The following TEX29 variants were observed in gnomAD, a reference collection of about 807,000 sequenced individuals.
TEX29 encodes testis expressed 29.
A neutral mutation model predicts 18.2 loss-of-function variants in TEX29; 26 were observed. That is an observed-to-expected ratio of 1.43 (90% CI 1.04 to 1.98). The LOEUF (loss-of-function observed/expected upper bound fraction) is 1.98. Ranked by LOEUF, TEX29 falls within the 30% of genes most tolerant of loss-of-function variation. The probability of loss-of-function intolerance (pLI) is 0.00; values close to 1 mark genes in which losing one functional copy is unlikely to be tolerated. For missense variants in TEX29, 177 were observed against 194.2 expected (o/e 0.91, Z 0.53); for synonymous variants, 83 against 78.5 (o/e 1.06, Z -0.31).
chr13:111,332,513 C>A (rs1243447748), intron 3 of TEX29, among the ~76,000 whole-genome samples: 4 of 151,766 alleles, frequency 2.6e-5, no homozygotes, highest in Admixed American at 2.6e-4. Flanking sequence ...AATCTGAATG[C>A]CTTTTAGTTC....
At chr13:111,336,530 G>GA (rs2093689873) in intron 3 of TEX29, among the ~76,000 whole-genome samples, 2 of 150,640 alleles carry the variant, frequency 1.3e-5, no homozygotes, top group Admixed American at 6.6e-5. Context: ...CTTTCAGAAA[G>GA]AATTGGGAAT....
chr13:111,344,214 C>A lies in TEX29; in HGVS notation c.*91C>A. On this transcript the variant is annotated 3_prime_UTR_variant, in exon 6 of 6. Coordinates refer to ENST00000283547, the MANE Select transcript of TEX29 (RefSeq NM_152324.3). ...GTTAACAGTGTGATGGAATGACCAC[C>A]CAAAGAGAAAAAAATAAAGGTATTT... The A allele has an allele frequency of 1.9e-6, 2 of 1,051,628 alleles. No homozygotes were observed. The highest frequency in any genetic ancestry group is 1.4e-6 in the Non-Finnish European group (1 of 700,426). 65.1% of individuals were successfully genotyped at this position (1,051,628 alleles called of 1,614,324 possible). A position where few individuals can be genotyped will look rare whatever the true frequency, so the allele number is the denominator to read the frequency against.
upstream of TEX29, among the ~76,000 whole-genome samples, chr13:111,320,194 C>T (rs1040612500): frequency 6.6e-6 from 1 of 152,218 alleles, no homozygotes; most frequent in Non-Finnish European, 1.5e-5. Flanking sequence ...GCCTGGCCCA[C>T]GCCCTGAGTT....
At chr13:111,343,330 G>GCC (rs879394550) in intron 5 of TEX29, among the ~76,000 whole-genome samples, 5,208 of 152,196 alleles carry the variant, frequency 0.034, 123 homozygotes, top group Middle Eastern at 0.061. Flanking sequence ...TGGCACCCTG[G>GCC]CCACGTGGTG....
rs948095276 is a variant in TEX29, at chr13:111,342,484, C to T, written c.240-272C>T. Among the ~76,000 whole-genome samples, 9 of 133,586 alleles carry T rather than the reference C, an allele frequency of 6.7e-5. No individual in the cohort carries two copies. In the South Asian group the frequency reaches 7.3e-4, roughly 11 times the overall value. 87.6% of individuals were successfully genotyped at this position (133,586 alleles called of 152,430 possible). The stretch of plus-strand genomic sequence containing the variant: ...CTGAGGTGGGAGGATTACTTGAGCC[C>T]GGGAGTTGGAGGCTGCAGTGAGCCG... On this transcript the variant is annotated intron_variant, in intron 4 of 5. Coordinates refer to ENST00000283547, the MANE Select transcript of TEX29 (RefSeq NM_152324.3).
chr13:111,319,200 C>T (rs149174528), upstream of TEX29, among the ~76,000 whole-genome samples: 1 of 152,214 alleles, frequency 6.6e-6, no homozygotes, highest in African/African-American at 2.4e-5. Flanking sequence ...AGCGTGTGAC[C>T]CGGCAATTCC....
At chr13:111,322,985 C>A (rs1310388822) in intron 2 of TEX29, among the ~76,000 whole-genome samples, 1 of 152,206 alleles carries the variant, frequency 6.6e-6, no homozygotes, top group Non-Finnish European at 1.5e-5. Flanking sequence ...TGGGTCTGAA[C>A]CCAAGAAGCA....
At chr13:111,332,555 C>T (rs1464727496) in intron 3 of TEX29, among the ~76,000 whole-genome samples, 1 of 152,026 alleles carries the variant, frequency 6.6e-6, no homozygotes, top group Non-Finnish European at 1.5e-5. Context: ...CTAAAACCTC[C>T]AGTACAATGA....
At chr13:111,326,782 C>T (rs1210853045) in intron 2 of TEX29, among the ~76,000 whole-genome samples, 1 of 152,130 alleles carries the variant, frequency 6.6e-6, no homozygotes, top group African/African-American at 2.4e-5. Flanking sequence ...CTGTCATCAC[C>T]TGCGTCAGAA....
chr13:111,326,639 C>T lies in TEX29; in HGVS notation c.59-1544C>T, dbSNP rs371353888. Reference sequence around the variant, plus strand: ...CTGTCTGGTGGGGTGGAGGAGACCACGGGCAGTGCGAGCCTGTCTGGTGGG... The same window carrying T: ...CTGTCTGGTGGGGTGGAGGAGACCATGGGCAGTGCGAGCCTGTCTGGTGGG... On this transcript the variant is annotated intron_variant, in intron 2 of 5. Coordinates refer to ENST00000283547, the MANE Select transcript of TEX29 (RefSeq NM_152324.3). Among the ~76,000 whole-genome samples the T allele has an allele frequency of 4.0e-3, 574 of 143,002 alleles. 25 individuals carry two copies. Among genetic ancestry groups the T allele is most frequent in the Middle Eastern group, 8.5e-3 (2 of 236 alleles). The allele number at this position is 143,002 out of a possible 152,430, so 93.8% of individuals were successfully genotyped here. A position where few individuals can be genotyped will look rare whatever the true frequency, so the allele number is the denominator to read the frequency against.
chr13:111,327,481 C>T (rs2093675950), intron 2 of TEX29, among the ~76,000 whole-genome samples: 1 of 152,168 alleles, frequency 6.6e-6, no homozygotes, highest in African/African-American at 2.4e-5. Context: ...GACTGCAGTC[C>T]ACCCAGCAAA....
intron 3 of TEX29, among the ~76,000 whole-genome samples, chr13:111,333,441 C>A (rs1279273180): frequency 6.6e-6 from 1 of 152,148 alleles, no homozygotes; most frequent in Non-Finnish European, 1.5e-5. Flanking sequence ...AACTGGATAA[C>A]CTCATTGACC....
chr13:111,339,049 C>G (rs529443685), intron 3 of TEX29, among the ~76,000 whole-genome samples: 2 of 152,290 alleles, frequency 1.3e-5, no homozygotes, highest in South Asian at 4.2e-4. Flanking sequence ...GAAAGAGGCT[C>G]AGGAGGGGGC....
At chr13:111,323,186 C>T (rs1291664504) in intron 2 of TEX29, among the ~76,000 whole-genome samples, 1 of 152,212 alleles carries the variant, frequency 6.6e-6, no homozygotes, top group African/African-American at 2.4e-5. Context: ...CACACTCACT[C>T]ATCCGGGACA....
intron 3 of TEX29, among the ~76,000 whole-genome samples, chr13:111,338,144 A>T (rs1303581004): frequency 6.6e-6 from 1 of 152,162 alleles, no homozygotes; most frequent in Non-Finnish European, 1.5e-5. Context: ...GGTGGGTTGA[A>T]TTGTGTACAC....
upstream of TEX29, among the ~76,000 whole-genome samples, chr13:111,318,114 G>C (rs1206231508): frequency 2.0e-5 from 3 of 152,116 alleles, no homozygotes; most frequent in Non-Finnish European, 4.4e-5. Flanking sequence ...CTGTCTAGGA[G>C]CCCCCCGAAT....
At position 111,335,399 on chromosome 13, in the gene TEX29, A is replaced by T. The variant is rs753387615; in HGVS notation, c.170-4464A>T. Among the ~76,000 whole-genome samples the T allele has an allele frequency of 3.7e-4, 56 of 152,280 alleles. 1 individual carries two copies. Among genetic ancestry groups the T allele is most frequent in the South Asian group, 4.2e-4 (2 of 4,800 alleles). ...GTTGAACGGCCTCTCATATGGCTTCATTCCAGCAGCTCGTCCTCTGAGGCA... is the reference window on the plus strand; with the variant it reads ...GTTGAACGGCCTCTCATATGGCTTCTTTCCAGCAGCTCGTCCTCTGAGGCA... On this transcript the variant is annotated intron_variant, in intron 3 of 5. Coordinates refer to ENST00000283547, the MANE Select transcript of TEX29 (RefSeq NM_152324.3).
At chr13:111,342,603 G>C (rs946966977) in intron 4 of TEX29, among the ~76,000 whole-genome samples, 153 bp from the exon 5 acceptor site, 1 of 147,140 alleles carries the variant, frequency 6.8e-6, no homozygotes, top group Non-Finnish European at 1.5e-5. Context: ...ACGAAAATGA[G>C]AACTATTACA....
intron 4 of TEX29, among the ~76,000 whole-genome samples, chr13:111,342,407 A>G (rs960687311): frequency 6.6e-6 from 1 of 152,094 alleles, no homozygotes; most frequent in Admixed American, 6.5e-5. Context: ...AGAAACTAAA[A>G]TGAGGCTGGA....
Sources: gnomAD v4.1 joint callset for allele counts (sites outside exome capture counted in the v4.1 genomes callset) on GRCh38, gnomAD v4.1.1 for gene constraint, MANE v1.5 for transcripts, NCBI Gene and HGNC (gene_info 2026-07-23, HGNC 2026-07-21) for gene names.